Variants in BRINP3 observed in about 807,000 individuals in gnomAD.
BRINP3 encodes the protein BMP/retinoic acid-inducible neural-specific protein 3.
A neutral mutation model predicts 71.0 loss-of-function variants in BRINP3; 19 were observed. The ratio of observed to expected loss-of-function variants is 0.27; its 90% CI spans 0.19 to 0.39. The LOEUF (loss-of-function observed/expected upper bound fraction) is 0.39. Ranked by LOEUF, BRINP3 falls within the 10% of genes least tolerant of loss-of-function variation. The pLI, the probability that BRINP3 is intolerant of heterozygous loss-of-function variation, is 1.00. For synonymous variants in BRINP3, 380 were observed against 337.7 expected, an observed-to-expected ratio of 1.13 and a Z score of -1.37; for missense variants, 959 against 940.8, an observed-to-expected ratio of 1.02 and a Z score of -0.25.
intron 2 of BRINP3, among the ~76,000 whole-genome samples, chr1:190,286,650 T>G (rs1368391959): frequency 1.3e-5 from 2 of 152,168 alleles, no homozygotes; most frequent in African/African-American, 4.8e-5. Flanking sequence ...TTACATTACT[T>G]TTCACATTAC....
intron 2 of BRINP3, among the ~76,000 whole-genome samples, chr1:190,321,451 A>G (rs939120025): frequency 2.6e-5 from 4 of 152,172 alleles, no homozygotes; most frequent in African/African-American, 9.7e-5. Flanking sequence ...GAAAATTATA[A>G]GATTCTGATT....
rs183056129 is a variant in BRINP3 at position 190,195,081 on chromosome 1, C to T, written c.961+31001G>A. On this transcript the variant is annotated intron_variant, in intron 6 of 7. Coordinates refer to ENST00000367462, the MANE Select transcript of BRINP3 (RefSeq NM_199051.3). ...AAGGGTTAGTCCTCTAAAATCAATA[C>T]GGCCTATGATATCGAATGCATCACA... Among the ~76,000 whole-genome samples the T allele has an allele frequency of 2.4e-4, 36 of 151,872 alleles. 1 individual carries two copies. The East Asian group carries it at 4.9e-3, about 20-fold the overall frequency.
chr1:190,097,918 T>C lies in BRINP3; in HGVS notation c.*100A>G. 7.8e-7 allele frequency: 1 copy of C among 1,286,040 alleles called. No homozygotes were observed. The highest frequency in any genetic ancestry group is 1.1e-6 in the Non-Finnish European group (1 of 935,748). The allele number at this position is 1,286,040 out of a possible 1,614,324, so 79.7% of individuals were successfully genotyped here. ...GTTATTGACTGATATAAGACAGATATTGAAAAGACAATTTAAATTTACTCT... is the reference window on the plus strand; with the variant it reads ...GTTATTGACTGATATAAGACAGATACTGAAAAGACAATTTAAATTTACTCT... On this transcript the variant is annotated 3_prime_UTR_variant, in exon 8 of 8. Coordinates refer to ENST00000367462, the MANE Select transcript of BRINP3 (RefSeq NM_199051.3).
chr1:190,254,130 C>A (rs1660422235), intron 4 of BRINP3, among the ~76,000 whole-genome samples: 2 of 152,030 alleles, frequency 1.3e-5, no homozygotes. Context: ...GTATATATAT[C>A]TAATTTAGTA....
chr1:190,212,482 G>C (rs1656072054), intron 6 of BRINP3, among the ~76,000 whole-genome samples: 2 of 152,066 alleles, frequency 1.3e-5, no homozygotes, highest in African/African-American at 4.8e-5. Flanking sequence ...ACATGAGATA[G>C]CAAGAGAAAA....
chr1:190,446,047 T>C (rs1338282823), intron 2 of BRINP3, among the ~76,000 whole-genome samples: 1 of 152,094 alleles, frequency 6.6e-6, no homozygotes, highest in Non-Finnish European at 1.5e-5. Flanking sequence ...TAGTAACGAT[T>C]ATACACAATT....
At chr1:190,280,873 A>T (rs1662983780) in intron 3 of BRINP3, among the ~76,000 whole-genome samples, 1 of 151,922 alleles carries the variant, frequency 6.6e-6, no homozygotes, top group Non-Finnish European at 1.5e-5. Flanking sequence ...TTTTAGGAAA[A>T]TGTCATATGT....
At chr1:190,341,184 T>C (rs1052389508) in intron 2 of BRINP3, among the ~76,000 whole-genome samples, 2 of 151,846 alleles carry the variant, frequency 1.3e-5, no homozygotes, top group Non-Finnish European at 2.9e-5. Flanking sequence ...TTAGTAATTT[T>C]TGTTCTTCAC....
At chr1:190,338,522 T>C (rs1467769162) in intron 2 of BRINP3, among the ~76,000 whole-genome samples, 1 of 151,986 alleles carries the variant, frequency 6.6e-6, no homozygotes, top group East Asian at 1.9e-4. Flanking sequence ...GATATGTGCA[T>C]ATATTTTATT....
chr1:190,375,974 A>G (rs1002589480), intron 2 of BRINP3, among the ~76,000 whole-genome samples: 2 of 151,996 alleles, frequency 1.3e-5, no homozygotes, highest in African/African-American at 2.4e-5. Flanking sequence ...ATCATCAGGC[A>G]TATATATTAT....
rs1677576224 is a variant in BRINP3 at position 190,477,552 on chromosome 1, G to A, written c.-155C>T. ...TCAAGGTAAAGTAGTGAGCTGCAGGGTAGTAGGACTTTAAAATAATCAGCA... is the reference window on the plus strand; with the variant it reads ...TCAAGGTAAAGTAGTGAGCTGCAGGATAGTAGGACTTTAAAATAATCAGCA... On this transcript the variant is annotated 5_prime_UTR_variant, in exon 1 of 8. Transcript: ENST00000367462. The A allele has an allele frequency of 6.6e-6, 1 of 152,098 alleles. No individual in the cohort carries two copies. Among genetic ancestry groups the A allele is most frequent in the African/African-American group, 2.4e-5 (1 of 41,408 alleles). 9.4% of individuals were successfully genotyped at this position (152,098 alleles called of 1,614,324 possible). A position where few individuals can be genotyped will look rare whatever the true frequency, so the allele number is the denominator to read the frequency against.
chr1:190,308,941 A>G (rs967366723), intron 2 of BRINP3, among the ~76,000 whole-genome samples: 6 of 151,980 alleles, frequency 3.9e-5, no homozygotes, highest in African/African-American at 1.4e-4. Flanking sequence ...TTCCACTTCT[A>G]GATATATATG....
At chr1:190,414,387 A>G (rs1672882785) in intron 2 of BRINP3, among the ~76,000 whole-genome samples, 1 of 151,992 alleles carries the variant, frequency 6.6e-6, no homozygotes, top group South Asian at 2.1e-4. Flanking sequence ...CTGCTAATGT[A>G]AGAGATCCAA....
chr1:190,161,856 A>G (rs1651005049), intron 6 of BRINP3, among the ~76,000 whole-genome samples: 5 of 152,222 alleles, frequency 3.3e-5, no homozygotes, highest in Admixed American at 1.3e-4. Context: ...GACCTTTAAG[A>G]TATTACACTC....
At chr1:190,364,062 GAA>G (rs11343283) in intron 2 of BRINP3, among the ~76,000 whole-genome samples, 1 of 151,284 alleles carries the variant, frequency 6.6e-6, no homozygotes, top group African/African-American at 2.4e-5. Context: ...CTCCTTCTTA[GAA>G]AAAAAAAAGT....
intron 4 of BRINP3, among the ~76,000 whole-genome samples, chr1:190,263,396 G>A (rs1240756525): frequency 6.6e-6 from 1 of 152,030 alleles, no homozygotes; most frequent in African/African-American, 2.4e-5. Flanking sequence ...ATCTACTGAA[G>A]TCTGTTTCCC....
At chr1:190,197,097 G>A (rs775086256) in intron 6 of BRINP3, among the ~76,000 whole-genome samples, 23 of 152,006 alleles carry the variant, frequency 1.5e-4, no homozygotes, top group African/African-American at 2.2e-4. Flanking sequence ...CAATCATGGC[G>A]GAAAACAAAG....
At chr1:190,329,801 C>A (rs2103076054) in intron 2 of BRINP3, among the ~76,000 whole-genome samples, 1 of 151,902 alleles carries the variant, frequency 6.6e-6, no homozygotes, top group East Asian at 1.9e-4. Context: ...CAAAAACAGA[C>A]TAATGGAACA....
At chr1:190,187,419 C>CTTA (rs1653628833) in intron 6 of BRINP3, among the ~76,000 whole-genome samples, 1 of 151,692 alleles carries the variant, frequency 6.6e-6, no homozygotes, top group African/African-American at 2.4e-5. Flanking sequence ...CTTTTGTTGC[C>CTTA]TGTGCTTTTG....
Sources: gnomAD v4.1 joint callset for allele counts (sites outside exome capture counted in the v4.1 genomes callset) on GRCh38, gnomAD v4.1.1 for gene constraint, MANE v1.5 for transcripts, NCBI Gene and HGNC (gene_info 2026-07-23, HGNC 2026-07-21) for gene names.